Variants in NDUFAF6 observed in about 807,000 individuals in gnomAD.
NDUFAF6 encodes NADH:ubiquinone oxidoreductase complex assembly factor 6, also known as NADH dehydrogenase (ubiquinone) complex I, assembly factor 6.
Under a neutral mutation model 40.8 loss-of-function variants are expected in NDUFAF6, and 45 were observed. The observed-to-expected ratio is 1.10, with a 90% CI of 0.87 to 1.42. The LOEUF (loss-of-function observed/expected upper bound fraction) is 1.42, where lower values mean the gene tolerates loss of function less well. NDUFAF6 is among the 40% of genes most tolerant of loss of function. The probability of loss-of-function intolerance (pLI) is 0.00; values close to 1 mark genes in which losing one functional copy is unlikely to be tolerated. For missense variants in NDUFAF6, 435 were observed against 418.5 expected (o/e 1.04, Z -0.34); for synonymous variants, 185 against 155.9 (o/e 1.19, Z -1.39).
intron 1 of NDUFAF6, among the ~76,000 whole-genome samples, chr8:94,944,470 G>T (rs1303183837): frequency 6.6e-6 from 1 of 152,232 alleles, no homozygotes; most frequent in African/African-American, 2.4e-5. Context: ...ATACAGGAAA[G>T]GCTTCTCTGG....
In NDUFAF6 at chr8:95,058,631, C is replaced by A; in HGVS notation, c.*694C>A. 6 of 1,120,670 alleles carry A rather than the reference C, an allele frequency of 5.4e-6. No individual in the cohort carries two copies. The highest frequency in any genetic ancestry group is 6.5e-6 in the Non-Finnish European group (6 of 918,472). The allele number at this position is 1,120,670 out of a possible 1,614,324, so 69.4% of individuals were successfully genotyped here. On this transcript the variant is annotated 3_prime_UTR_variant, in exon 9 of 9. Transcript: ENST00000396124. Reference sequence around the variant, plus strand: ...CATTCAGCATTATCATGATCGTGAACAAAATTGTACTGAGAAAGTTTGTAT... The same window carrying A: ...CATTCAGCATTATCATGATCGTGAAAAAAATTGTACTGAGAAAGTTTGTAT...
chr8:95,071,733 C>T (rs2678826), intron 9 of NDUFAF6: 85,861 of 152,136 alleles, frequency 0.56, 24,642 homozygotes, highest in East Asian at 0.83. Flanking sequence ...GAGATGTGTC[C>T]CTCCTACTTT....
chr8:94,918,581 T>C (rs1356604022), intron 1 of NDUFAF6, among the ~76,000 whole-genome samples: 3 of 152,232 alleles, frequency 2.0e-5, no homozygotes, highest in Non-Finnish European at 4.4e-5. Flanking sequence ...GTCAAACGTT[T>C]CTTTGACAGG....
upstream of NDUFAF6, among the ~76,000 whole-genome samples, chr8:95,023,828 T>C (rs766074577): frequency 6.6e-6 from 1 of 152,004 alleles, no homozygotes; most frequent in Non-Finnish European, 1.5e-5. Context: ...TCATCTCTAC[T>C]AAAAAGACAA....
downstream of NDUFAF6, among the ~76,000 whole-genome samples, chr8:95,117,877 C>T (rs991613657): frequency 1.3e-5 from 2 of 152,158 alleles, no homozygotes; most frequent in African/African-American, 4.8e-5. Context: ...CTTTGGAGAG[C>T]CAGTAGATGT....
At chr8:95,079,784 G>A (rs547030065), downstream of NDUFAF6, among the ~76,000 whole-genome samples, 34 of 150,452 alleles carry the variant, frequency 2.3e-4, no homozygotes, top group African/African-American at 7.3e-4. Flanking sequence ...CTGCAATCTC[G>A]GCCCATTGCA....
chr8:94,980,852 TA>T, intron 1 of NDUFAF6: 1 of 441,564 alleles, frequency 2.3e-6, no homozygotes, highest in Non-Finnish European at 4.6e-6. Context: ...TGTATTTGTT[TA>T]GGCAGCCACC....
At chr8:94,983,344 A>C (rs1825602327) in intron 2 of NDUFAF6, among the ~76,000 whole-genome samples, 1 of 140,828 alleles carries the variant, frequency 7.1e-6, no homozygotes, top group Non-Finnish European at 1.5e-5. Flanking sequence ...GGCTCACCGC[A>C]ATCTCTGCCT....
chr8:94,926,265 G>A (rs1049445021), intron 1 of NDUFAF6: 8 of 152,086 alleles, frequency 5.3e-5, no homozygotes, highest in Admixed American at 3.3e-4. Context: ...TGTCCCTTTT[G>A]AATTTTCAAG....
At chr8:94,909,401 C>CA (rs1366309915) in intron 1 of NDUFAF6, among the ~76,000 whole-genome samples, 3 of 131,070 alleles carry the variant, frequency 2.3e-5, no homozygotes, top group African/African-American at 9.0e-5. Flanking sequence ...GAGGCCAAGG[C>CA]GGATCACAAG....
In NDUFAF6 at chr8:94,979,110, TA is replaced by T. The variant is rs566748162; in HGVS notation, c.-198-1745del. On this transcript the variant is annotated intron_variant, in intron 1 of 9. Transcript: ENST00000396111. ...CTCCCAGGTGATTTTAGCATGCGGC[TA>T]AAACTGAGAGCCGTCCTGAGGATCT... Among the ~76,000 whole-genome samples, 441 of 152,356 alleles carry T rather than the reference TA, an allele frequency of 2.9e-3. 3 individuals are homozygous for T. Among genetic ancestry groups the T allele is most frequent in the African/African-American group, 1.0e-2 (415 of 41,588 alleles).
At chr8:94,996,919 C>A (rs1421088778) in intron 2 of NDUFAF6, among the ~76,000 whole-genome samples, 2 of 152,166 alleles carry the variant, frequency 1.3e-5, no homozygotes, top group East Asian at 3.8e-4. Flanking sequence ...GCACCTTGAT[C>A]TTGGACCTCC....
chr8:94,901,037 C>T (rs1481857485), intron 1 of NDUFAF6, among the ~76,000 whole-genome samples: 3 of 152,052 alleles, frequency 2.0e-5, no homozygotes, highest in African/African-American at 7.2e-5. Flanking sequence ...GGTAAGAGAA[C>T]AGGAGGTGCT....
downstream of NDUFAF6, among the ~76,000 whole-genome samples, chr8:95,106,358 A>C (rs1809844252): frequency 6.6e-6 from 1 of 152,184 alleles, no homozygotes; most frequent in Admixed American, 6.6e-5. Context: ...TCCTTGACAA[A>C]CCTGACAAAA....
intron 1 of NDUFAF6, among the ~76,000 whole-genome samples, chr8:94,899,902 A>G (rs1053926759): frequency 2.0e-5 from 3 of 151,812 alleles, no homozygotes; most frequent in African/African-American, 7.3e-5. Flanking sequence ...AACACACAAG[A>G]CCTCTTGCGC....
At chr8:95,001,311 G>A (rs940504922) in intron 2 of NDUFAF6, among the ~76,000 whole-genome samples, 11 of 152,004 alleles carry the variant, frequency 7.2e-5, no homozygotes, top group Middle Eastern at 3.2e-3. Context: ...TAGAAGGACT[G>A]AATTTCTGCT....
chr8:94,963,342 G>T (rs1004052988), intron 1 of NDUFAF6, among the ~76,000 whole-genome samples: 11 of 152,306 alleles, frequency 7.2e-5, no homozygotes, highest in African/African-American at 2.6e-4. Context: ...GGTGCTCATA[G>T]TCAGGGTGGA....
intron 9 of NDUFAF6, chr8:95,068,171 AG>A (rs1832748499): frequency 6.6e-6 from 1 of 151,842 alleles, no homozygotes. Context: ...ACTCATCACC[AG>A]GTTGTTCCTT....
chr8:94,924,825 C>T (rs1180533159), intron 1 of NDUFAF6, among the ~76,000 whole-genome samples: 1 of 152,202 alleles, frequency 6.6e-6, no homozygotes, highest in Non-Finnish European at 1.5e-5. Context: ...TCACTGCAAC[C>T]TCCACATCCT....
Sources: gnomAD v4.1 joint callset for allele counts (sites outside exome capture counted in the v4.1 genomes callset) on GRCh38, gnomAD v4.1.1 for gene constraint, MANE v1.5 for transcripts, NCBI Gene and HGNC (gene_info 2026-07-23, HGNC 2026-07-21) for gene names.